EIF4G3: variants seen among roughly 807,000 people sequenced by gnomAD.
The protein encoded by EIF4G3 is eukaryotic translation initiation factor 4 gamma 3.
In EIF4G3, 34 loss-of-function variants were observed where a neutral mutation model predicts 186.4. That is an observed-to-expected ratio of 0.18 (90% CI 0.14 to 0.24). The LOEUF is 0.24. Ranked by LOEUF, EIF4G3 falls within the 10% of genes least tolerant of loss-of-function variation. The pLI, the probability that EIF4G3 is intolerant of heterozygous loss-of-function variation, is 1.00. For missense variants in EIF4G3, 1,536 were observed against 1,948.5 expected (o/e 0.79, Z 3.99); for synonymous variants, 673 against 679.5 (o/e 0.99, Z 0.15).
intron 10 of EIF4G3, among the ~76,000 whole-genome samples, chr1:20,973,684 T>A (rs1222552346): frequency 6.6e-6 from 1 of 152,168 alleles, no homozygotes; most frequent in Non-Finnish European, 1.5e-5. Context: ...GGTTCCAAAT[T>A]ACATTTTCTA....
At chr1:20,977,325 T>C (rs2077059984) in intron 10 of EIF4G3, among the ~76,000 whole-genome samples, 1 of 152,074 alleles carries the variant, frequency 6.6e-6, no homozygotes, top group Admixed American at 6.6e-5. Flanking sequence ...TAGCTGGGAT[T>C]ACAGGCGCCC....
intron 13 of EIF4G3, among the ~76,000 whole-genome samples, chr1:20,946,504 C>G (rs557455476): frequency 2.5e-4 from 38 of 152,274 alleles, no homozygotes; most frequent in Non-Finnish European, 5.1e-4. Context: ...GTAGATTTGT[C>G]TGGAACCTTG....
intron 2 of EIF4G3, among the ~76,000 whole-genome samples, chr1:21,158,905 T>TGGG (rs1213127615): frequency 2.0e-5 from 3 of 151,718 alleles, no homozygotes; most frequent in Non-Finnish European, 4.4e-5. Flanking sequence ...TTGTTACCTA[T>TGGG]GATGAGTAAA....
intron 20 of EIF4G3, among the ~76,000 whole-genome samples, chr1:20,868,001 C>G (rs994706191): frequency 6.6e-6 from 1 of 151,164 alleles, no homozygotes; most frequent in Non-Finnish European, 1.5e-5. Flanking sequence ...GATCTTAATA[C>G]CCTCTGGGGA....
intron 2 of EIF4G3, among the ~76,000 whole-genome samples, chr1:21,101,562 G>GAAAAAGAAAAAAAAAAAAAAAAAAA (rs769715669): frequency 2.8e-5 from 1 of 35,370 alleles, no homozygotes; most frequent in Non-Finnish European, 5.3e-5. Flanking sequence ...AGGGTCTCAG[G>GAAAAAGAAAAAAAAAAAAAAAAAAA]AAAAAAAAAA....
intron 13 of EIF4G3, among the ~76,000 whole-genome samples, chr1:20,947,715 A>G (rs1444306484): frequency 6.6e-6 from 1 of 152,222 alleles, no homozygotes; most frequent in Non-Finnish European, 1.5e-5. Flanking sequence ...AGCATTAGTT[A>G]TAACCTCTGA....
At chr1:20,835,830 G>T (rs542931040) in intron 30 of EIF4G3, among the ~76,000 whole-genome samples, 7 of 152,042 alleles carry the variant, frequency 4.6e-5, no homozygotes, top group Non-Finnish European at 1.0e-4. Flanking sequence ...CCAGCTACTT[G>T]AGAGGTTGAG....
chr1:20,829,818 T>C (rs2064635198), intron 30 of EIF4G3, among the ~76,000 whole-genome samples: 1 of 152,212 alleles, frequency 6.6e-6, no homozygotes, highest in African/African-American at 2.4e-5. Flanking sequence ...TATTACATGT[T>C]ACGAACTGTT....
intron 4 of EIF4G3, among the ~76,000 whole-genome samples, chr1:21,011,790 G>A (rs1201361675): frequency 6.6e-6 from 1 of 152,114 alleles, no homozygotes; most frequent in African/African-American, 2.4e-5. Flanking sequence ...AATTTAGCAT[G>A]TCTTTTTAGT....
chr1:20,862,422 T>C, intron 22 of EIF4G3, 90 bp from the exon 23 acceptor site: 1 of 800,356 alleles, frequency 1.2e-6, no homozygotes, highest in South Asian at 2.0e-5. Flanking sequence ...TAGTTATCTA[T>C]TTATTTTTTT....
At chr1:21,176,133 A>G (rs1385921410) in intron 2 of EIF4G3, 42 bp downstream of exon 2, 1 of 346,306 alleles carries the variant, frequency 2.9e-6, no homozygotes. Context: ...CTGGACTGCG[A>G]CGACGAGAAC....
intron 7 of EIF4G3, among the ~76,000 whole-genome samples, chr1:20,990,655 C>A (rs2080880491): frequency 1.3e-5 from 2 of 152,058 alleles, no homozygotes; most frequent in African/African-American, 4.8e-5. Flanking sequence ...GGCGACAGAG[C>A]AAGACTCCAT....
chr1:20,931,627 T>C (rs1197900448), intron 14 of EIF4G3, among the ~76,000 whole-genome samples: 2 of 152,134 alleles, frequency 1.3e-5, no homozygotes, highest in African/African-American at 4.8e-5. Flanking sequence ...TCTCTTTCAC[T>C]GTGAAAGTGC....
intron 14 of EIF4G3, among the ~76,000 whole-genome samples, chr1:20,912,486 A>C (rs1374280865): frequency 6.6e-6 from 1 of 152,130 alleles, no homozygotes; most frequent in African/African-American, 2.4e-5. Context: ...CCCTAGTTCC[A>C]AGGTTTGAAA....
At chr1:20,971,070 T>C (rs530514365) in intron 11 of EIF4G3, among the ~76,000 whole-genome samples, 1 of 152,338 alleles carries the variant, frequency 6.6e-6, no homozygotes, top group East Asian at 1.9e-4. Context: ...ATGGTCTTAT[T>C]TTAATTTTTT....
rs1272167583 is a variant in EIF4G3 at position 20,879,324 on chromosome 1, G to A, written c.2621C>T (p.Thr874Met). The change falls in exon 20 of 37, where the codon ACG becomes ATG. Residue 874 changes from threonine (T) to methionine (M), a missense_variant and splice_region_variant. Coordinates refer to ENST00000602326, the MANE Select transcript of EIF4G3 (RefSeq NM_001391906.1). Reference protein sequence around the residue: ...AYANMCRCLVTLKVPMADKPG... With the variant: ...AYANMCRCLVMLKVPMADKPG... ...TTTTACTCCTTCCTCTCTTCTTACC[G>A]TTACTAGACATCGACACATGTTTGC... The A allele has an allele frequency of 2.5e-6, 4 of 1,586,066 alleles. No homozygotes were observed. The highest frequency in any genetic ancestry group is 3.4e-6 in the Non-Finnish European group (4 of 1,166,338).
At chr1:21,023,529 G>C (rs889186601) in intron 4 of EIF4G3, among the ~76,000 whole-genome samples, 2 of 152,064 alleles carry the variant, frequency 1.3e-5, no homozygotes, top group African/African-American at 4.8e-5. Flanking sequence ...CGAGGTGCCG[G>C]GATGGCAGAC....
intron 31 of EIF4G3, among the ~76,000 whole-genome samples, chr1:20,828,282 G>A (rs886779787): frequency 1.3e-5 from 2 of 151,862 alleles, no homozygotes; most frequent in African/African-American, 4.8e-5. Context: ...CGCCTGCCTC[G>A]GCCTCCCAAA....
intron 7 of EIF4G3, among the ~76,000 whole-genome samples, chr1:20,993,495 T>C (rs1052862514): frequency 1.3e-5 from 2 of 152,216 alleles, no homozygotes; most frequent in African/African-American, 4.8e-5. Flanking sequence ...ATTGTATTTT[T>C]TCTTTGCAAC....
Sources: gnomAD v4.1 joint callset for allele counts (sites outside exome capture counted in the v4.1 genomes callset) on GRCh38, gnomAD v4.1.1 for gene constraint, MANE v1.5 for transcripts, NCBI Gene and HGNC (gene_info 2026-07-23, HGNC 2026-07-21) for gene names.